Variants in NOL9 observed in about 807,000 individuals in gnomAD.
NOL9 encodes nucleolar protein 9.
Under a neutral mutation model 67.9 loss-of-function variants are expected in NOL9, and 28 were observed. The observed-to-expected ratio is 0.41, with a 90% confidence interval of 0.31 to 0.57. NOL9 has a LOEUF of 0.57. Among genes scored for constraint, NOL9 ranks in the 20% least tolerant of loss-of-function variants. NOL9 has a pLI of 0.25. For missense variants in NOL9, 777 were observed against 897.0 expected (o/e 0.87, Z 1.71); for synonymous variants, 356 against 352.2 (o/e 1.01, Z -0.12).
At chr1:6,546,830 C>T (rs1639431267) in intron 3 of NOL9, among the ~76,000 whole-genome samples, 1 of 152,230 alleles carries the variant, frequency 6.6e-6, no homozygotes, top group Admixed American at 6.5e-5. Flanking sequence ...TTCTTTTCTT[C>T]CCTTTACAGC....
chr1:6,544,680 G>C, intron 5 of NOL9, 146 bp downstream of exon 5: 1 of 765,024 alleles, frequency 1.3e-6, no homozygotes, highest in Non-Finnish European at 2.1e-6. Context: ...GCAGACGGCA[G>C]TGAGGACCAG....
chr1:6,529,605 T>TA (rs1237929468), intron 9 of NOL9, among the ~76,000 whole-genome samples: 2 of 147,826 alleles, frequency 1.4e-5, no homozygotes, highest in Admixed American at 1.4e-4. Context: ...AATTAATAAA[T>TA]AAAAAATAAA....
At chr1:6,553,213 A>T (rs1410598441) in intron 1 of NOL9, among the ~76,000 whole-genome samples, 1 of 152,174 alleles carries the variant, frequency 6.6e-6, no homozygotes, top group Non-Finnish European at 1.5e-5. Flanking sequence ...GACAGACTCT[A>T]CCACTCTGTC....
At position 6,532,195 on chromosome 1, in the gene NOL9, C is replaced by G. The variant is rs1639044540; in HGVS notation, c.1536-116G>C. 9 of 837,050 alleles carry G rather than the reference C, an allele frequency of 1.1e-5. No homozygotes were observed. In the South Asian group the frequency reaches 1.1e-4, roughly 10 times the overall value. The allele number at this position is 837,050 out of a possible 1,614,324, so 51.9% of individuals were successfully genotyped here. ...AGTACTGGGCTTTCCAACACTGCCC[C>G]CCCTTGACGGACCCCAACTGGAAAA... On this transcript the variant is annotated intron_variant, in intron 8 of 11. Transcript: ENST00000377705.
At chr1:6,541,214 T>C (rs944590944) in intron 6 of NOL9, among the ~76,000 whole-genome samples, 2 of 152,060 alleles carry the variant, frequency 1.3e-5, no homozygotes, top group East Asian at 3.9e-4. Context: ...AGATGGAGAC[T>C]TGCTCTGCCG....
rs369111898 is a variant in NOL9, at chr1:6,534,930, A to T, written c.1076-1489T>A. Among the ~76,000 whole-genome samples the T allele has an allele frequency of 1.6e-4, 24 of 152,160 alleles. No homozygotes were observed. In the East Asian group the frequency reaches 2.1e-3, roughly 13 times the overall value. On this transcript the variant is annotated intron_variant, in intron 6 of 11. Coordinates refer to ENST00000377705, the MANE Select transcript of NOL9 (RefSeq NM_024654.5). Reference sequence around the variant, plus strand: ...GTGATTCTCCTGCCTCAGCCTCCCAAGTAGCTGGGATTACAGGCACTCGCC... The same window carrying T: ...GTGATTCTCCTGCCTCAGCCTCCCATGTAGCTGGGATTACAGGCACTCGCC...
intron 6 of NOL9, among the ~76,000 whole-genome samples, chr1:6,535,110 T>C (rs570450020): frequency 1.3e-5 from 2 of 152,226 alleles, no homozygotes; most frequent in African/African-American, 4.8e-5. Context: ...GTGCCTGGTT[T>C]TAATGAGACA....
intron 3 of NOL9, among the ~76,000 whole-genome samples, chr1:6,545,547 C>A (rs1433581234): frequency 3.3e-5 from 5 of 152,136 alleles, no homozygotes; most frequent in Non-Finnish European, 7.3e-5. Context: ...CAAAAACACA[C>A]GGACAGAACA....
rs1638786447 is a variant in NOL9, at chr1:6,522,268, G to T, written c.*3586C>A. 6.6e-6 allele frequency: 1 copy of T among 152,254 alleles called. No individual in the cohort carries two copies. Among genetic ancestry groups the T allele is most frequent in the South Asian group, 2.1e-4 (1 of 4,808 alleles). The allele number at this position is 152,254 out of a possible 1,614,324, so 9.4% of individuals were successfully genotyped here. A position where few individuals can be genotyped will look rare whatever the true frequency, so the allele number is the denominator to read the frequency against. The stretch of plus-strand genomic sequence containing the variant: ...AATTACATACAAAAATTACTAAGAG[G>T]CCCAGGCACAGTGTCTTATGCCTGT... On this transcript the variant is annotated 3_prime_UTR_variant, in exon 12 of 12. Transcript: ENST00000377705.
Position 6,532,602 on chromosome 1 carries a change from T to A in NOL9, c.1396A>T (p.Asn466Tyr). Residue 466 changes from asparagine to tyrosine, a missense_variant, in exon 8 of 12, where the codon AAT (asparagine) becomes TAT (tyrosine). Physicochemically the swap from Asn to Tyr is moderately radical, Grantham distance 143 (BLOSUM62 -2). Transcript: ENST00000377705. ...LYTKSKTKMR[N>Y]RRFRLAAFAD... ...AATGCTGCGAGTCTGAAACGTCGATTTCTCATCTTGGTCTTGCTTTTTGTG... is the reference window on the plus strand; with the variant it reads ...AATGCTGCGAGTCTGAAACGTCGATATCTCATCTTGGTCTTGCTTTTTGTG... 2 of 1,614,214 alleles carry A rather than the reference T, an allele frequency of 1.2e-6. No homozygotes were observed. The highest frequency in any genetic ancestry group is 1.7e-6 in the Non-Finnish European group (2 of 1,180,046).
chr1:6,532,147 TC>T, intron 8 of NOL9, 68 bp from the exon 9 acceptor site: 1 of 1,159,514 alleles, frequency 8.6e-7, no homozygotes, highest in Middle Eastern at 1.9e-4. Flanking sequence ...ACACCTGTCA[TC>T]ACAGAGGTCA....
intron 7 of NOL9, among the ~76,000 whole-genome samples, chr1:6,532,992 T>C (rs181946143): frequency 4.6e-5 from 7 of 152,264 alleles, no homozygotes; most frequent in African/African-American, 1.7e-4. Flanking sequence ...ATGGCCAACA[T>C]GGCAAAACCC....
At chr1:6,546,296 T>A (rs1229942892) in intron 3 of NOL9, among the ~76,000 whole-genome samples, 2 of 152,162 alleles carry the variant, frequency 1.3e-5, no homozygotes, top group Non-Finnish European at 2.9e-5. Flanking sequence ...CCCCATAGCA[T>A]CTGGAACATT....
intron 7 of NOL9, 141 bp downstream of exon 7, chr1:6,533,139 C>A: frequency 1.2e-6 from 1 of 803,270 alleles, no homozygotes; most frequent in Non-Finnish European, 1.9e-6. Flanking sequence ...CACGCCATTG[C>A]ACTCCAGCCT....
intron 3 of NOL9, 181 bp downstream of exon 3, chr1:6,549,390 G>C: frequency 1.7e-6 from 1 of 600,212 alleles, no homozygotes; most frequent in Non-Finnish European, 2.7e-6. Context: ...AGGAGGGGAG[G>C]ATGAACATTT....
chr1:6,535,984 AT>A (rs1384768688), intron 6 of NOL9, among the ~76,000 whole-genome samples: 1 of 152,108 alleles, frequency 6.6e-6, no homozygotes, highest in Non-Finnish European at 1.5e-5. Flanking sequence ...AGCAGTTATA[AT>A]TAAAAGAGCA....
intron 1 of NOL9, 52 bp downstream of exon 1, chr1:6,554,055 C>A: frequency 7.0e-7 from 1 of 1,429,002 alleles, no homozygotes; most frequent in Admixed American, 2.3e-5. Context: ...CCCGGGGCTG[C>A]CTCTCCAGCC....
intron 3 of NOL9, among the ~76,000 whole-genome samples, chr1:6,547,442 GTCTGCCAATCCTGGAGAT>G (rs1161583136): frequency 6.6e-6 from 1 of 151,470 alleles, no homozygotes; most frequent in Non-Finnish European, 1.5e-5. Flanking sequence ...TATCCAGTCT[GTCTGCCAATCCTGGAGAT>G]TAGACTCCAC....
intron 6 of NOL9, among the ~76,000 whole-genome samples, chr1:6,539,992 C>T (rs1185983341): frequency 3.3e-5 from 5 of 152,028 alleles, no homozygotes; most frequent in Non-Finnish European, 7.4e-5. Context: ...AAGGGAGTTA[C>T]TCTTTTTTTT....
Sources: gnomAD v4.1 joint callset for allele counts (sites outside exome capture counted in the v4.1 genomes callset) on GRCh38, gnomAD v4.1.1 for gene constraint, MANE v1.5 for transcripts, NCBI Gene and HGNC (gene_info 2026-07-23, HGNC 2026-07-21) for gene names.